Variants in GYPE observed in about 807,000 individuals in gnomAD.
The protein encoded by GYPE is glycophorin-E.
Under a neutral mutation model 11.6 loss-of-function variants are expected in GYPE, and 8 were observed. The observed-to-expected ratio is 0.69, with a 90% CI of 0.41 to 1.25. The LOEUF is 1.25. Ranked by LOEUF, GYPE falls within the 50% of genes most tolerant of loss-of-function variation. The probability of loss-of-function intolerance (pLI) is 0.01; values close to 1 mark genes in which losing one functional copy is unlikely to be tolerated. For synonymous variants in GYPE, 28 were observed against 29.6 expected (o/e 0.94, Z 0.18); for missense variants, 90 against 92.8 (o/e 0.97, Z 0.12).
At chr4:143,896,328 C>G (rs1323873282) in intron 1 of GYPE, among the ~76,000 whole-genome samples, 1 of 152,066 alleles carries the variant, frequency 6.6e-6, no homozygotes, top group Admixed American at 6.5e-5. Flanking sequence ...ACAAACAACC[C>G]CATCAAAAAG....
intron 1 of GYPE, among the ~76,000 whole-genome samples, chr4:143,894,641 C>G (rs1357542934): frequency 6.6e-6 from 1 of 152,160 alleles, no homozygotes; most frequent in Non-Finnish European, 1.5e-5. Context: ...GGAATCCTCC[C>G]TAACTCATTT....
At chr4:143,903,218 A>G (rs1744931467) in intron 1 of GYPE, among the ~76,000 whole-genome samples, 1 of 151,742 alleles carries the variant, frequency 6.6e-6, no homozygotes, top group Non-Finnish European at 1.5e-5. Flanking sequence ...ATCTTATTTT[A>G]ATAAGATAGT....
intron 1 of GYPE, among the ~76,000 whole-genome samples, chr4:143,886,589 T>C (rs62338496): frequency 7.2e-6 from 1 of 138,064 alleles, no homozygotes; most frequent in South Asian, 2.6e-4. Context: ...GGTTTTTGAA[T>C]AGGACTTTTT....
chr4:143,887,624 GC>G lies in GYPE; in HGVS notation c.38-7116del, dbSNP rs1311107007. Among the ~76,000 whole-genome samples, 308 of 149,946 alleles carry G rather than the reference GC, an allele frequency of 2.1e-3. 1 individual carries two copies. The highest frequency in any genetic ancestry group is 3.6e-3 in the Non-Finnish European group (242 of 67,268). The stretch of plus-strand genomic sequence containing the variant: ...GAGGAGGGATAAAGAAATAGCATGG[GC>G]CTAACATATGGAGAAAGGGGAGTAT... On this transcript the variant is annotated intron_variant, in intron 1 of 3. Transcript: ENST00000358615.
chr4:143,901,951 A>C (rs141269591), intron 1 of GYPE, among the ~76,000 whole-genome samples: 3,313 of 152,116 alleles, frequency 0.022, 50 homozygotes, highest in Middle Eastern at 0.041. Flanking sequence ...CACCAAGCTA[A>C]AGATATCTAT....
chr4:143,894,449 T>C (rs113696329), intron 1 of GYPE, among the ~76,000 whole-genome samples: 2 of 151,890 alleles, frequency 1.3e-5, no homozygotes, highest in South Asian at 4.2e-4. Flanking sequence ...TTTTATCTAC[T>C]TTTGGTCTTT....
intron 1 of GYPE, among the ~76,000 whole-genome samples, chr4:143,903,997 G>C (rs1744966915): frequency 6.6e-6 from 1 of 151,912 alleles, no homozygotes; most frequent in Non-Finnish European, 1.5e-5. Context: ...CTGTGTAATA[G>C]CACTTCAAAT....
intron 1 of GYPE, among the ~76,000 whole-genome samples, chr4:143,893,680 G>A (rs766123575): frequency 1.3e-5 from 2 of 152,076 alleles, no homozygotes; most frequent in Admixed American, 6.5e-5. Context: ...CGAGAGATCT[G>A]CTCTTAGTCT....
rs573458834 is a variant in GYPE, at chr4:143,875,600, C to G, written c.*9+1146G>C. The G allele has an allele frequency of 5.2e-6, 8 of 1,537,338 alleles. No individual in the cohort carries two copies. The South Asian group carries it at 9.6e-5, about 18-fold the overall frequency. ...AGCCTCTGATTGGTCACAGGCCAATCCTTCATAGGGTGTAGCCAATTGGAG... is the reference window on the plus strand; with the variant it reads ...AGCCTCTGATTGGTCACAGGCCAATGCTTCATAGGGTGTAGCCAATTGGAG... On this transcript the variant is annotated intron_variant, in intron 3 of 3. Coordinates refer to ENST00000358615, the MANE Select transcript of GYPE (RefSeq NM_198682.3).
chr4:143,903,089 CAT>C (rs1744927423), intron 1 of GYPE, among the ~76,000 whole-genome samples: 1 of 152,078 alleles, frequency 6.6e-6, no homozygotes, highest in Non-Finnish European at 1.5e-5. Flanking sequence ...CCACGTTTAG[CAT>C]AAATGTCATC....
At chr4:143,895,792 C>A (rs1327342026) in intron 1 of GYPE, among the ~76,000 whole-genome samples, 1 of 151,836 alleles carries the variant, frequency 6.6e-6, no homozygotes, top group African/African-American at 2.4e-5. Flanking sequence ...CAGCATGGTA[C>A]TGGTACCAAA....
At chr4:143,897,899 A>G (rs1744715897) in intron 1 of GYPE, among the ~76,000 whole-genome samples, 1 of 152,230 alleles carries the variant, frequency 6.6e-6, no homozygotes, top group Non-Finnish European at 1.5e-5. Context: ...TATATACTTT[A>G]GAAACACATG....
intron 1 of GYPE, among the ~76,000 whole-genome samples, chr4:143,883,204 G>T (rs1397880687): frequency 1.3e-5 from 2 of 151,906 alleles, no homozygotes; most frequent in East Asian, 3.9e-4. Context: ...CCTGCTCCAA[G>T]GCTCTCTCTC....
chr4:143,896,352 T>TG (rs1334931152), intron 1 of GYPE, among the ~76,000 whole-genome samples: 9 of 152,110 alleles, frequency 5.9e-5, no homozygotes, highest in Non-Finnish European at 1.2e-4. Flanking sequence ...GCAAAGGATA[T>TG]GAACAGATAC....
At chr4:143,875,464 C>G (rs1209981719) in intron 3 of GYPE, 11 of 1,550,748 alleles carry the variant, frequency 7.1e-6, no homozygotes, top group Non-Finnish European at 8.7e-6. Flanking sequence ...GCAGGTGCAG[C>G]TGGTTCTAGG....
At chr4:143,900,791 A>C (rs1376398925) in intron 1 of GYPE, among the ~76,000 whole-genome samples, 1 of 152,166 alleles carries the variant, frequency 6.6e-6, no homozygotes, top group Non-Finnish European at 1.5e-5. Context: ...GTAAATCTGT[A>C]GAGGTAGAAA....
intron 3 of GYPE, chr4:143,873,566 G>A (rs1743689093): frequency 2.4e-6 from 1 of 418,678 alleles, no homozygotes; most frequent in Admixed American, 2.7e-5. Context: ...AATATATGAT[G>A]CTCTGATAGC....
At chr4:143,888,053 G>C (rs1744273095) in intron 1 of GYPE, among the ~76,000 whole-genome samples, 1 of 35,522 alleles carries the variant, frequency 2.8e-5, no homozygotes, top group Admixed American at 5.5e-4. Flanking sequence ...CCATGTGTTG[G>C]GGGAGAGAGC....
intron 2 of GYPE, among the ~76,000 whole-genome samples, chr4:143,878,468 T>C (rs1743894328): frequency 6.6e-6 from 1 of 152,202 alleles, no homozygotes; most frequent in Non-Finnish European, 1.5e-5. Context: ...GAAATGCCTA[T>C]TTTAATTTTA....
Sources: allele counts gnomAD v4.1 joint callset (sites outside exome capture counted in the v4.1 genomes callset), GRCh38; gene constraint gnomAD v4.1.1; transcripts MANE v1.5; gene names NCBI Gene and HGNC (gene_info 2026-07-23, HGNC 2026-07-21).